GRM8: variants seen among roughly 807,000 people sequenced by gnomAD.
The protein encoded by GRM8 is glutamate metabotropic receptor 8, also known as metabotropic glutamate receptor 8.
In GRM8, 47 loss-of-function variants were observed where a neutral mutation model predicts 87.2. The ratio of observed to expected loss-of-function variants is 0.54; its 90% CI spans 0.43 to 0.69. The LOEUF is 0.69. Ranked by LOEUF, GRM8 falls within the 30% of genes least tolerant of loss-of-function variation. The probability of loss-of-function intolerance (pLI) is 0.00; values close to 1 mark genes in which losing one functional copy is unlikely to be tolerated. For missense variants in GRM8, 1,019 were observed against 1,139.2 expected (o/e 0.89, Z 1.52); for synonymous variants, 396 against 404.5 (o/e 0.98, Z 0.25).
chr7:126,476,167 T>C (rs1306660047), intron 9 of GRM8, among the ~76,000 whole-genome samples: 1 of 151,966 alleles, frequency 6.6e-6, no homozygotes, highest in Non-Finnish European at 1.5e-5. Context: ...GAGGCTGAGG[T>C]GGGAGGACAG....
At chr7:127,026,242 C>T (rs1816764525) in intron 3 of GRM8, among the ~76,000 whole-genome samples, 1 of 152,174 alleles carries the variant, frequency 6.6e-6, no homozygotes, top group South Asian at 2.1e-4. Flanking sequence ...TTTATCCAGT[C>T]TATCATTGTT....
intron 2 of GRM8, among the ~76,000 whole-genome samples, chr7:127,137,805 GT>G (rs1338564975): frequency 6.6e-6 from 1 of 152,030 alleles, no homozygotes; most frequent in Admixed American, 6.6e-5. Flanking sequence ...TGGGTAAAAA[GT>G]TAAATAACAG....
At chr7:126,923,320 G>A (rs1804735127) in intron 3 of GRM8, among the ~76,000 whole-genome samples, 2 of 152,116 alleles carry the variant, frequency 1.3e-5, no homozygotes, top group Non-Finnish European at 2.9e-5. Flanking sequence ...TGGGTTTAAA[G>A]CATCTGCTTT....
At chr7:126,447,922 C>G (rs1584637024) in intron 9 of GRM8, among the ~76,000 whole-genome samples, 1 of 152,078 alleles carries the variant, frequency 6.6e-6, no homozygotes, top group Non-Finnish European at 1.5e-5. Flanking sequence ...ACAAAGTTTA[C>G]AAGATTTACT....
chr7:126,483,767 C>CCCCT (rs1807027645), intron 9 of GRM8, among the ~76,000 whole-genome samples: 1 of 118,492 alleles, frequency 8.4e-6, no homozygotes, highest in Non-Finnish European at 1.7e-5. Context: ...CTCCCTCCCT[C>CCCCT]CCTCCCTTCC....
At chr7:126,521,300 C>T (rs952191722) in intron 9 of GRM8, among the ~76,000 whole-genome samples, 4 of 151,890 alleles carry the variant, frequency 2.6e-5, no homozygotes, top group African/African-American at 9.7e-5. Context: ...GGTATTTTTC[C>T]CAAGATACAC....
In GRM8 at chr7:126,802,146, C is replaced by T. The variant is rs1461781115; in HGVS notation, c.1157-32081G>A. Among the ~76,000 whole-genome samples, 4 of 152,264 alleles carry T rather than the reference C, an allele frequency of 2.6e-5. No individual in the cohort carries two copies. The South Asian group carries it at 6.2e-4, about 24-fold the overall frequency. On this transcript the variant is annotated intron_variant, in intron 6 of 10. Transcript: ENST00000339582. ...GGAATGGCTAAATGAAGCTATTTCA[C>T]ACATGCGTTACCTCACATATGTATG...
intron 7 of GRM8, among the ~76,000 whole-genome samples, chr7:126,613,427 C>T (rs558071000): frequency 1.4e-4 from 22 of 152,236 alleles, no homozygotes; most frequent in Middle Eastern, 3.4e-3. Flanking sequence ...AAGAACAGCT[C>T]CAGTCTACAG....
chr7:126,923,932 C>G (rs542372112), intron 3 of GRM8, among the ~76,000 whole-genome samples: 1 of 147,414 alleles, frequency 6.8e-6, no homozygotes, highest in South Asian at 2.2e-4. Flanking sequence ...AGAAATAAAT[C>G]ACAGATTCCA....
chr7:126,632,713 C>G (rs1308478407), intron 7 of GRM8, among the ~76,000 whole-genome samples: 1 of 151,968 alleles, frequency 6.6e-6, no homozygotes, highest in Non-Finnish European at 1.5e-5. Context: ...TAAAAAGGAA[C>G]AAGATAATGT....
chr7:126,866,514 A>T (rs886417143), intron 6 of GRM8, among the ~76,000 whole-genome samples: 1 of 144,542 alleles, frequency 6.9e-6, no homozygotes, highest in Admixed American at 7.0e-5. Context: ...AAAGATTTAT[A>T]CTTTTTTTCC....
chr7:126,801,977 T>A (rs1822758062), intron 6 of GRM8, among the ~76,000 whole-genome samples: 1 of 152,210 alleles, frequency 6.6e-6, no homozygotes, highest in African/African-American at 2.4e-5. Context: ...AAGTAATGTG[T>A]CACTATATTA....
Position 126,904,031 on chromosome 7 carries a change from T to A in GRM8, c.959A>T (p.Gln320Leu), listed in dbSNP as rs541785688. ...SWGSKIAPVYQQEEIAEGAVT... is the reference protein window; with the variant it reads ...SWGSKIAPVYLQEEIAEGAVT... ...AGCCCCTTCTGCAATCTCCTCTTGC[T>A]GATAGACAGGTGCTATTTTGGATCC... Residue 320 changes from glutamine (Q) to leucine (L), a missense_variant, in exon 5 of 11, where the codon CAG becomes CTG. By Grantham distance (113) the Gln-to-Leu change is moderately radical. Transcript: ENST00000339582. The A allele has an allele frequency of 4.4e-5, 70 of 1,597,792 alleles. 1 individual carries two copies. The highest frequency in any genetic ancestry group is 2.7e-4 in the East Asian group (12 of 44,718).
intron 6 of GRM8, among the ~76,000 whole-genome samples, chr7:126,849,305 C>G (rs1440691785): frequency 6.9e-6 from 1 of 145,574 alleles, no homozygotes; most frequent in African/African-American, 2.5e-5. Context: ...TTTACCCTAG[C>G]TCTACACTAT....
At chr7:126,666,556 C>T (rs577869990) in intron 7 of GRM8, among the ~76,000 whole-genome samples, 30 of 152,092 alleles carry the variant, frequency 2.0e-4, no homozygotes, top group Non-Finnish European at 4.1e-4. Context: ...GCTGATGTAT[C>T]AATCCTACTG....
At chr7:126,673,262 G>A (rs1806583781) in intron 7 of GRM8, among the ~76,000 whole-genome samples, 1 of 152,124 alleles carries the variant, frequency 6.6e-6, no homozygotes, top group South Asian at 2.1e-4. Context: ...CAGATGATCT[G>A]CAAGCCTACG....
intron 7 of GRM8, among the ~76,000 whole-genome samples, chr7:126,676,831 A>G (rs953159222): frequency 6.6e-6 from 1 of 152,218 alleles, no homozygotes; most frequent in Non-Finnish European, 1.5e-5. Context: ...ATTTGTGGCT[A>G]AGACCCCAAA....
intron 7 of GRM8, among the ~76,000 whole-genome samples, chr7:126,741,075 C>T (rs1391027121): frequency 6.6e-6 from 1 of 152,096 alleles, no homozygotes; most frequent in African/African-American, 2.4e-5. Flanking sequence ...CTAATACTTG[C>T]TTATATGGCT....
intron 7 of GRM8, among the ~76,000 whole-genome samples, chr7:126,649,684 G>A (rs2078809): frequency 0.31 from 46,679 of 151,988 alleles, 8,030 homozygotes; most frequent in East Asian, 0.43. Context: ...AACCAAGAAA[G>A]AGGCACAGCG....
Sources: gnomAD v4.1 joint callset for allele counts (sites outside exome capture counted in the v4.1 genomes callset) on GRCh38, gnomAD v4.1.1 for gene constraint, MANE v1.5 for transcripts, NCBI Gene and HGNC (gene_info 2026-07-23, HGNC 2026-07-21) for gene names.